The following DUOX2 variants were observed in gnomAD, a reference collection of about 807,000 sequenced individuals.
DUOX2 encodes dual oxidase 2, also known as NADH/NADPH thyroid oxidase p138-tox.
In DUOX2, 185 loss-of-function variants were observed where a neutral mutation model predicts 183.3. The observed-to-expected ratio is 1.01, with a 90% CI of 0.90 to 1.14. DUOX2 has a LOEUF of 1.14. Among genes scored for constraint, DUOX2 ranks in the 50% most tolerant of loss-of-function variants. DUOX2 has a pLI of 0.00. For synonymous variants in DUOX2, 788 were observed against 812.4 expected, an observed-to-expected ratio of 0.97 and a Z score of 0.51; for missense variants, 1,999 against 2,022.9, an observed-to-expected ratio of 0.99 and a Z score of 0.23.
intron 4 of DUOX2, among the ~76,000 whole-genome samples, 189 bp from the exon 5 acceptor site, chr15:45,112,144 C>T (rs894517327): frequency 6.6e-6 from 1 of 152,142 alleles, no homozygotes; most frequent in African/African-American, 2.4e-5. Flanking sequence ...TAGTGAGTTC[C>T]CTTCCTACTC....
In DUOX2 at chr15:45,100,093, G is replaced by C. The variant is rs1294276581; in HGVS notation, c.3141C>G (p.Ile1047Met). Residue 1047 changes from isoleucine to methionine, a missense_variant, in exon 24 of 34, where the codon ATC (isoleucine) becomes ATG (methionine). Coordinates refer to ENST00000389039, the MANE Select transcript of DUOX2 (RefSeq NM_001363711.2). Reference sequence around the variant, plus strand: ...ACACGCCAACACAGATGGCCGAGAAGATTGCCACACACACGATGTGCCTCC... The same window carrying C: ...ACACGCCAACACAGATGGCCGAGAACATTGCCACACACACGATGTGCCTCC... Reference protein sequence around the residue: ...NYRRHIVCVAIFSAICVGVFA... With the variant: ...NYRRHIVCVAMFSAICVGVFA... 6.2e-7 allele frequency: 1 copy of C among 1,614,252 alleles called. No individual in the cohort carries two copies. Among genetic ancestry groups the C allele is most frequent in the East Asian group, 2.2e-5 (1 of 44,880 alleles).
At chr15:45,109,495 C>T (rs772640399) in intron 11 of DUOX2, 29 bp downstream of exon 11, 2 of 1,608,176 alleles carry the variant, frequency 1.2e-6, no homozygotes, top group Middle Eastern at 1.7e-4. Flanking sequence ...TGGTCCCTTA[C>T]CATCCACCCC....
Position 45,113,077 on chromosome 15 carries a change from C to A in DUOX2, c.71-1G>T. 1.2e-6 allele frequency: 2 copies of A among 1,613,688 alleles called. No homozygotes were observed. The highest frequency in any genetic ancestry group is 1.7e-6 in the Non-Finnish European group (2 of 1,179,848). On this transcript the variant is annotated splice_acceptor_variant, in intron 2 of 33. Coordinates refer to ENST00000389039, the MANE Select transcript of DUOX2 (RefSeq NM_001363711.2). LOFTEE classifies it high-confidence loss of function. ...GGCAGTGAGAGTGCGTCCTGACTGC[C>A]TGTGGGCACAGAGAAGGGCCTCCTC...
chr15:45,097,168 T>G, intron 29 of DUOX2, 70 bp downstream of exon 29: 7 of 1,603,536 alleles, frequency 4.4e-6, no homozygotes, highest in East Asian at 4.5e-5. Context: ...GGAGACCTGG[T>G]GAACTGTCTC....
chr15:45,107,604 G>C, intron 13 of DUOX2, 141 bp from the exon 14 acceptor site: 3 of 923,110 alleles, frequency 3.2e-6, no homozygotes, highest in Middle Eastern at 3.2e-4. Context: ...AACACTTTGG[G>C]AGGCCAAGGC....
At chr15:45,113,251 A>G in intron 2 of DUOX2, 91 bp downstream of exon 2, 1 of 1,479,536 alleles carries the variant, frequency 6.8e-7, no homozygotes, top group Non-Finnish European at 9.2e-7. Flanking sequence ...ATGACCTTCC[A>G]GTCTCAGGGA....
At chr15:45,105,581 C>A in intron 18 of DUOX2, 62 bp downstream of exon 18, 2 of 1,603,168 alleles carry the variant, frequency 1.2e-6, no homozygotes, top group Admixed American at 3.3e-5. Context: ...GCGTTCTATG[C>A]AGCCCAGGTT....
chr15:45,100,030 C>A lies in DUOX2; in HGVS notation c.3184+20G>T. On this transcript the variant is annotated intron_variant, in intron 24 of 33. Transcript: ENST00000389039. ...TCAGAGCCTGCTCCCTACCCACTGC[C>A]CACAGCCTGGAACTCTTACAGTAAG... 6.2e-7 allele frequency: 1 copy of A among 1,614,214 alleles called. No individual in the cohort carries two copies. Among genetic ancestry groups the A allele is most frequent in the Non-Finnish European group, 8.5e-7 (1 of 1,180,034 alleles).
intron 20 of DUOX2, among the ~76,000 whole-genome samples, chr15:45,102,348 CT>C (rs1894105686): frequency 6.6e-6 from 1 of 152,298 alleles, no homozygotes; most frequent in South Asian, 2.1e-4. Context: ...CACATCACCC[CT>C]GGATTCCCCC....
rs534696164 is a variant in DUOX2 at position 45,095,998 on chromosome 15, G to T, written c.3910C>A (p.Arg1304=). 1.9e-6 allele frequency: 3 copies of T among 1,614,082 alleles called. No individual in the cohort carries two copies. The highest frequency in any genetic ancestry group is 4.5e-5 in the East Asian group (2 of 44,874). Residue 1304 remains arginine, a synonymous_variant, in exon 30 of 34, where the codon CGG becomes AGG. Transcript: ENST00000389039. ...GFEYKSGQWV[R]IACLALGTTE... ...GTCCCCAGAGCCAGGCAGGCGATCCGCACCCACTGTCCTGACTTGTACTCA... is the reference window on the plus strand; with the variant it reads ...GTCCCCAGAGCCAGGCAGGCGATCCTCACCCACTGTCCTGACTTGTACTCA...
intron 21 of DUOX2, 194 bp from the exon 22 acceptor site, chr15:45,101,468 CATCCTCT>C: frequency 1.5e-6 from 1 of 662,230 alleles, no homozygotes; most frequent in Non-Finnish European, 2.7e-6. Flanking sequence ...AGAAAGGGGA[CATCCTCT>C]TAGGTGGATG....
At position 45,096,075 on chromosome 15, in the gene DUOX2, C is replaced by T. The variant is rs916008927; in HGVS notation, c.3848-15G>A. The T allele has an allele frequency of 1.9e-6, 3 of 1,607,926 alleles. No homozygotes were observed. Among genetic ancestry groups the T allele is most frequent in the Non-Finnish European group, 2.6e-6 (3 of 1,174,498 alleles). On this transcript the variant is annotated splice_polypyrimidine_tract_variant and intron_variant, in intron 29 of 33. Transcript: ENST00000389039. ...GTAGGTCACTCCTGGAGGTCATAGACAGGGAAAAGCACAGATGAGAAGGCC... is the reference window on the plus strand; with the variant it reads ...GTAGGTCACTCCTGGAGGTCATAGATAGGGAAAAGCACAGATGAGAAGGCC...
rs758809829 is a variant in DUOX2, at chr15:45,094,241, G to C, written c.4556C>G (p.Pro1519Arg). 3.7e-6 allele frequency: 6 copies of C among 1,614,174 alleles called. No individual in the cohort carries two copies. The Admixed American group carries it at 1.0e-4, about 27-fold the overall frequency. Residue 1519 changes from proline (P) to arginine (R), a missense_variant, in exon 34 of 34, where the codon CCT becomes CGT. Physicochemically the swap from Pro to Arg is moderately radical, Grantham distance 103 (BLOSUM62 -2). Transcript: ENST00000389039. The part of the protein sequence containing the change: ...VRKIGVFSCG[P>R]PGMTKNVEKA... ...CTCTACATTCTTGGTCATTCCTGGA[G>C]GGCCGCAGCTGAACACCCCGATCTT... is the stretch of plus-strand genomic sequence containing the variant.
At chr15:45,098,633 C>G (rs1463892261) in intron 26 of DUOX2, among the ~76,000 whole-genome samples, 1 of 152,140 alleles carries the variant, frequency 6.6e-6, no homozygotes, top group African/African-American at 2.4e-5. Context: ...AGAAATTTAC[C>G]TTTCAGCTTC....
At chr15:45,108,435 G>A (rs1894289328) in intron 12 of DUOX2, 1 of 622,484 alleles carries the variant, frequency 1.6e-6, no homozygotes. Context: ...GGTGCCCTAG[G>A]ACCATATCCT....
Position 45,107,373 on chromosome 15 carries a change from C to T in DUOX2, c.1665G>A (p.Leu555=). Residue 555 remains leucine (L), a synonymous_variant, in exon 14 of 34, where the codon CTG becomes CTA. Coordinates refer to ENST00000389039, the MANE Select transcript of DUOX2 (RefSeq NM_001363711.2). ...VAVINIDPSA[L]QPNVFVWHKG... ...TATGCCAGACAAAGACATTGGGCTG[C>T]AGGGCACTGGGGTCAATGTTGATAA... 6.2e-7 allele frequency: 1 copy of T among 1,614,268 alleles called. No homozygotes were observed. Among genetic ancestry groups the T allele is most frequent in the African/African-American group, 1.3e-5 (1 of 75,070 alleles).
chr15:45,095,857 T>G lies in DUOX2; in HGVS notation c.4051A>C (p.Lys1351Gln), dbSNP rs977450051. 4 of 1,613,924 alleles carry G rather than the reference T, an allele frequency of 2.5e-6. No individual in the cohort carries two copies. The highest frequency in any genetic ancestry group is 3.4e-6 in the Non-Finnish European group (4 of 1,180,024). ...GGGTATCCAGCACAGCCATTGCCCT[T>G]TGGGGATGAGTAGATCTCCCTGAGG... Reference protein sequence around the residue: ...TRLREIYSSPKGNGCAGYPKL... With the variant: ...TRLREIYSSPQGNGCAGYPKL... Residue 1351 changes from lysine to glutamine, a missense_variant, in exon 30 of 34, where the codon AAG (lysine) becomes CAG (glutamine). Around this residue, in one of 3 missense-constraint regions of DUOX2, gnomAD observed 1,628 missense variants for 1,608.6 expected, o/e 1.01. Transcript: ENST00000389039.
intron 20 of DUOX2, 48 bp downstream of exon 20, chr15:45,103,912 T>C: frequency 1.9e-6 from 3 of 1,602,214 alleles, no homozygotes; most frequent in Non-Finnish European, 2.6e-6. Context: ...TGTTTTCCTG[T>C]TTGAAACACA....
intron 9 of DUOX2, among the ~76,000 whole-genome samples, 162 bp from the exon 10 acceptor site, chr15:45,110,142 A>G (rs1005551380): frequency 1.3e-5 from 2 of 152,142 alleles, no homozygotes; most frequent in Admixed American, 1.3e-4. Context: ...TACTGAAGAT[A>G]GAGTGCGCTC....
Sources: gnomAD v4.1 joint callset for allele counts (sites outside exome capture counted in the v4.1 genomes callset) on GRCh38, gnomAD v4.1.1 for gene constraint, gnomAD v4.1.1 regional missense constraint, MANE v1.5 for transcripts, NCBI Gene and HGNC (gene_info 2026-07-23, HGNC 2026-07-21) for gene names.